Variants in ABL1 observed in about 807,000 individuals in gnomAD.
ABL1 encodes the protein tyrosine-protein kinase ABL1.
ABL1 carries 11 observed loss-of-function variants against 94.7 expected under a neutral mutation model. That is an observed-to-expected ratio of 0.12 (90% CI 0.07 to 0.19). ABL1 has a LOEUF of 0.19. ABL1 is among the 10% of genes least tolerant of loss of function. The pLI is 1.00. For missense variants in ABL1, 1,082 were observed against 1,489.4 expected (o/e 0.73, Z 4.50); for synonymous variants, 656 against 622.4 (o/e 1.05, Z -0.80).
intron 1 of ABL1, among the ~76,000 whole-genome samples, chr9:130,798,999 T>C (rs1337053876): frequency 7.1e-6 from 1 of 140,528 alleles, no homozygotes; most frequent in African/African-American, 2.7e-5. Context: ...TGGAAGGGAA[T>C]GGAGGAAGCA....
At chr9:130,826,903 A>C (rs1048860247) in intron 1 of ABL1, among the ~76,000 whole-genome samples, 10 of 152,034 alleles carry the variant, frequency 6.6e-5, no homozygotes, top group East Asian at 3.9e-4. Flanking sequence ...GTGGTGAAAC[A>C]CCATCTCTAC....
intron 1 of ABL1, among the ~76,000 whole-genome samples, chr9:130,794,629 A>G (rs1186553466): frequency 6.6e-6 from 1 of 152,208 alleles, no homozygotes; most frequent in Non-Finnish European, 1.5e-5. Flanking sequence ...TTACAGTCTT[A>G]CTGGCTGTAT....
At chr9:130,878,982 A>G (rs908827433) in intron 8 of ABL1, among the ~76,000 whole-genome samples, 6 of 150,444 alleles carry the variant, frequency 4.0e-5, no homozygotes, top group Non-Finnish European at 7.4e-5. Context: ...GGTTCAAGCG[A>G]TTCTCCTGCC....
chr9:130,735,953 A>ATTTTTT (rs869189501), intron 1 of ABL1, among the ~76,000 whole-genome samples: 5 of 81,506 alleles, frequency 6.1e-5, no homozygotes, highest in Middle Eastern at 4.6e-3. Flanking sequence ...ATATATATAT[A>ATTTTTT]TATATATATT....
intron 1 of ABL1, among the ~76,000 whole-genome samples, chr9:130,839,943 C>G (rs941903418): frequency 1.3e-5 from 2 of 152,158 alleles, no homozygotes; most frequent in Non-Finnish European, 2.9e-5. Context: ...GCTGGTCTTG[C>G]GCATTCACCG....
At chr9:130,830,186 T>C (rs576401664) in intron 1 of ABL1, among the ~76,000 whole-genome samples, 1 of 152,210 alleles carries the variant, frequency 6.6e-6, no homozygotes, top group Non-Finnish European at 1.5e-5. Context: ...GTTTAACAGT[T>C]AGGTTTAGAC....
rs1831532868 is a variant in ABL1 at position 130,884,609 on chromosome 9, C to A, written c.2319C>A (p.Asp773Glu). The A allele has an allele frequency of 6.2e-7, 1 of 1,613,244 alleles. No homozygotes were observed. Among genetic ancestry groups the A allele is most frequent in the South Asian group, 1.1e-5 (1 of 91,084 alleles). The change falls in exon 11 of 11, where the codon GAC (aspartate) becomes GAA (glutamate). Residue 773 changes from aspartate to glutamate, a missense_variant. By Grantham distance (45) the Asp-to-Glu change is conservative. Coordinates refer to ENST00000318560, the MANE Select transcript of ABL1 (RefSeq NM_005157.6). This position sits in a 1 kb window ranked among gnomAD's most constrained non-coding sequence, Gnocchi z 5.6. Reference protein sequence around the residue: ...PRKRAGENRSDQVTRGTVTPP... With the variant: ...PRKRAGENRSEQVTRGTVTPP... ...AGAGGGCAGGGGAGAACAGGTCTGA[C>A]CAGGTGACCCGAGGCACAGTAACGC... is the stretch of plus-strand genomic sequence containing the variant.
intron 1 of ABL1, among the ~76,000 whole-genome samples, chr9:130,794,458 C>G (rs1431566516): frequency 6.6e-6 from 1 of 152,152 alleles, no homozygotes; most frequent in Non-Finnish European, 1.5e-5. Flanking sequence ...TTTAAGACAC[C>G]TTAGACCATA....
At chr9:130,839,156 G>A (rs1054424263) in intron 1 of ABL1, among the ~76,000 whole-genome samples, 4 of 151,616 alleles carry the variant, frequency 2.6e-5, no homozygotes, top group Non-Finnish European at 5.9e-5. Context: ...TGAACTACTG[G>A]CCTCAAGTGA....
intron 3 of ABL1, 135 bp downstream of exon 3, chr9:130,855,231 C>A: frequency 9.8e-7 from 1 of 1,022,294 alleles, no homozygotes; most frequent in Non-Finnish European, 1.4e-6. Flanking sequence ...GGGAGTCATT[C>A]CATTAGCCTT....
At chr9:130,794,981 A>G (rs988022498) in intron 1 of ABL1, among the ~76,000 whole-genome samples, 2 of 152,192 alleles carry the variant, frequency 1.3e-5, no homozygotes, top group Non-Finnish European at 2.9e-5. Context: ...TGGTACCCTC[A>G]AAAATACACC....
At chr9:130,727,681 G>A (rs916316122) in intron 1 of ABL1, among the ~76,000 whole-genome samples, 3 of 151,334 alleles carry the variant, frequency 2.0e-5, no homozygotes, top group South Asian at 2.1e-4. Context: ...CCTTGAACCC[G>A]GGGTACAGAG....
At chr9:130,776,830 G>A (rs1829665085) in intron 1 of ABL1, among the ~76,000 whole-genome samples, 2 of 152,100 alleles carry the variant, frequency 1.3e-5, no homozygotes, top group Admixed American at 1.3e-4. Flanking sequence ...GGGCTCAAGC[G>A]ATCCTTCTGT....
In ABL1 at chr9:130,886,448, A is replaced by C; in HGVS notation, c.*765A>C. 1 of 233,602 alleles carries C rather than the reference A, an allele frequency of 4.3e-6. No individual in the cohort carries two copies. Among genetic ancestry groups the C allele is most frequent in the Non-Finnish European group, 8.5e-6 (1 of 118,064 alleles). The allele number at this position is 233,602 out of a possible 1,614,324, so 14.5% of individuals were successfully genotyped here. A position where few individuals can be genotyped will look rare whatever the true frequency, so the allele number is the denominator to read the frequency against. ...CAGCTCTTGCTCTCTTGTGACGTGC[A>C]CTGTGAATCCTGGCAAGAAAGCTTG... On this transcript the variant is annotated 3_prime_UTR_variant, in exon 11 of 11. Transcript: ENST00000318560.
intron 1 of ABL1, among the ~76,000 whole-genome samples, chr9:130,782,788 C>A (rs896175165): frequency 1.3e-5 from 2 of 152,212 alleles, no homozygotes; most frequent in Admixed American, 1.3e-4. Flanking sequence ...TTGTGGAATT[C>A]TGTTCCCTGA....
At chr9:130,804,498 C>T (rs1039803312) in intron 1 of ABL1, among the ~76,000 whole-genome samples, 7 of 152,130 alleles carry the variant, frequency 4.6e-5, no homozygotes, top group African/African-American at 1.2e-4. Flanking sequence ...GCAGGAGAAT[C>T]GCTTGAACCC....
At chr9:130,817,551 CTG>C (rs1242334680) in intron 1 of ABL1, among the ~76,000 whole-genome samples, 2 of 152,192 alleles carry the variant, frequency 1.3e-5, no homozygotes. Flanking sequence ...CCAATGGAAA[CTG>C]GACACAGCAG....
chr9:130,724,213 G>A (rs1334346295), intron 1 of ABL1, among the ~76,000 whole-genome samples: 1 of 152,150 alleles, frequency 6.6e-6, no homozygotes, highest in East Asian at 1.9e-4. Flanking sequence ...CAAGTAAACT[G>A]TAAGCTTGTG....
intron 4 of ABL1, among the ~76,000 whole-genome samples, chr9:130,871,816 G>A (rs912994546): frequency 5.9e-5 from 9 of 152,322 alleles, no homozygotes; most frequent in Non-Finnish European, 7.4e-5. Context: ...ACACCCCCAC[G>A]AGCTCCAAGA....
Sources: gnomAD v4.1 joint callset for allele counts (sites outside exome capture counted in the v4.1 genomes callset) on GRCh38, gnomAD v4.1.1 for gene constraint, Gnocchi (gnomAD v3.1) non-coding constraint, MANE v1.5 for transcripts, NCBI Gene and HGNC (gene_info 2026-07-23, HGNC 2026-07-21) for gene names.